NBEAL2: variants seen among roughly 807,000 people sequenced by gnomAD.
NBEAL2 encodes the protein neurobeachin-like protein 2.
In NBEAL2, 160 loss-of-function variants were observed where a neutral mutation model predicts 299.8. That is an observed-to-expected ratio of 0.53 (90% confidence interval 0.47 to 0.61). The LOEUF (loss-of-function observed/expected upper bound fraction) is 0.61. Among genes scored for constraint, NBEAL2 ranks in the 20% least tolerant of loss-of-function variants. The pLI, the probability that NBEAL2 is intolerant of heterozygous loss-of-function variation, is 0.00. For missense variants in NBEAL2, 3,112 were observed against 3,649.0 expected, an observed-to-expected ratio of 0.85 and a Z score of 3.79; for synonymous variants, 1,493 against 1,542.3, an observed-to-expected ratio of 0.97 and a Z score of 0.75.
In NBEAL2 at chr3:46,995,646, CA is replaced by C; in HGVS notation, c.1898+14del. On this transcript the variant is annotated intron_variant, in intron 13 of 53. Transcript: ENST00000450053. ...AGCAGCTGTACAGGTGGGTGACTGCCAGGGGCCAGGGACCTCCTGCCAGGGT... is the reference window on the plus strand; with the variant it reads ...AGCAGCTGTACAGGTGGGTGACTGCCGGGGCCAGGGACCTCCTGCCAGGGT... The C allele has an allele frequency of 1.2e-6, 2 of 1,609,106 alleles. No individual in the cohort carries two copies. Among genetic ancestry groups the C allele is most frequent in the Non-Finnish European group, 1.7e-6 (2 of 1,176,726 alleles).
chr3:47,004,197 A>G lies in NBEAL2; in HGVS notation c.6002A>G (p.Asn2001Ser), dbSNP rs958305876. 8 of 1,613,482 alleles carry G rather than the reference A, an allele frequency of 5.0e-6. 1 individual carries two copies. The highest frequency in any genetic ancestry group is 3.3e-5 in the Admixed American group (2 of 59,978). The change falls in exon 37 of 54, where the codon AAC becomes AGC. Residue 2001 changes from asparagine to serine, a missense_variant. Transcript: ENST00000450053. This position sits in a 1 kb window ranked among gnomAD's most constrained non-coding sequence, Gnocchi z 5.0. ...FFIDQANYFL[N>S]FPCKVGTTPV... ...ATCGATCAGGCCAACTACTTCCTCA[A>G]CTTCCCATGCAAGGTGGGCACGACC...
chr3:47,002,309 A>C (rs1408268179), intron 31 of NBEAL2, 21 bp downstream of exon 31: 5 of 1,589,874 alleles, frequency 3.1e-6, no homozygotes, highest in Non-Finnish European at 4.3e-6. Context: ...GTTGGGGCCC[A>C]GGAAGAGGAG....
Position 47,007,329 on chromosome 3 carries a change from A to G in NBEAL2, c.7313A>G (p.Asp2438Gly). ...AGCAACTACTTCAGCTTCAGCAAAG[A>G]CCCCACCATGGGCAGCCACAAGTAG... is the stretch of plus-strand genomic sequence containing the variant. Reference protein sequence around the residue: ...NISNYFSFSKDPTMGSHKTQR... With the variant: ...NISNYFSFSKGPTMGSHKTQR... The change falls in exon 47 of 54, where the codon GAC (aspartate) becomes GGC (glycine). Residue 2438 changes from aspartate to glycine, a missense_variant. This residue lies in a region of NBEAL2 where 521 missense variants were observed against 729.6 expected (regional missense o/e 0.71). Coordinates refer to ENST00000450053, the MANE Select transcript of NBEAL2 (RefSeq NM_015175.3). 6.2e-7 allele frequency: 1 copy of G among 1,608,280 alleles called. No homozygotes were observed. The highest frequency in any genetic ancestry group is 8.5e-7 in the Non-Finnish European group (1 of 1,177,698).
In NBEAL2 at chr3:47,009,474, C is replaced by G. The variant is rs561982419; in HGVS notation, c.*154C>G. On this transcript the variant is annotated 3_prime_UTR_variant, in exon 54 of 54. Transcript: ENST00000450053. Reference sequence around the variant, plus strand: ...TCAGGGATTGGCGGGCGATGTTACCCCCTCAGGGATTGGCGGGCGGAAGTC... The same window carrying G: ...TCAGGGATTGGCGGGCGATGTTACCGCCTCAGGGATTGGCGGGCGGAAGTC... The G allele has an allele frequency of 3.6e-5, 27 of 749,434 alleles. No homozygotes were observed. The highest frequency in any genetic ancestry group is 5.4e-5 in the African/African-American group (3 of 55,214). 46.4% of individuals were successfully genotyped at this position (749,434 alleles called of 1,614,324 possible).
At chr3:46,998,260 T>C (rs750604671) in intron 21 of NBEAL2, 34 bp downstream of exon 21, 6 of 1,597,292 alleles carry the variant, frequency 3.8e-6, no homozygotes, top group Non-Finnish European at 5.1e-6. Flanking sequence ...GGGCCGGCCA[T>C]AGGGCAGCTG....
At chr3:46,998,279 G>C in intron 21 of NBEAL2, 53 bp downstream of exon 21, 3 of 1,579,818 alleles carry the variant, frequency 1.9e-6, no homozygotes, top group Non-Finnish European at 2.6e-6. Context: ...TGAGCACTGA[G>C]AAGTTAGAAC....
chr3:46,998,540 T>C lies in NBEAL2; in HGVS notation c.3196T>C (p.Leu1066=), dbSNP rs1325146891. 4 of 1,612,206 alleles carry C rather than the reference T, an allele frequency of 2.5e-6. No individual in the cohort carries two copies. The highest frequency in any genetic ancestry group is 3.4e-6 in the Non-Finnish European group (4 of 1,179,250). The change falls in exon 22 of 54, where the codon TTG becomes CTG. Residue 1066 remains leucine, a synonymous_variant. Transcript: ENST00000450053. ...GAAGAAGTACGGCGTCCAGTTTATC[T>C]TGGATGCTCTGCGCACCCACTACAG... ...LRKKYGVQFI[L]DALRTHYSPQ...
chr3:46,997,255 C>T lies in NBEAL2; in HGVS notation c.2650-4C>T. 1 of 1,612,350 alleles carries T rather than the reference C, an allele frequency of 6.2e-7. No individual in the cohort carries two copies. Among genetic ancestry groups the T allele is most frequent in the South Asian group, 1.1e-5 (1 of 91,016 alleles). ...CCCCCTCACTGCCATCCTCCTTCCC[C>T]CAGGATGTGGTGAACTGCGTTGGGG... On this transcript the variant is annotated splice_polypyrimidine_tract_variant and splice_region_variant and intron_variant, in intron 18 of 53. Coordinates refer to ENST00000450053, the MANE Select transcript of NBEAL2 (RefSeq NM_015175.3).
In NBEAL2 at chr3:47,007,509, C is replaced by T; in HGVS notation, c.7335-16C>T. On this transcript the variant is annotated splice_polypyrimidine_tract_variant and intron_variant, in intron 47 of 53. Coordinates refer to ENST00000450053, the MANE Select transcript of NBEAL2 (RefSeq NM_015175.3). ...ATGTGGCCTGGCCTCACTTGCTATCCCCCTCACTGGGTCAGGACGCAGCGA... is the reference window on the plus strand; with the variant it reads ...ATGTGGCCTGGCCTCACTTGCTATCTCCCTCACTGGGTCAGGACGCAGCGA... 1.2e-6 allele frequency: 2 copies of T among 1,603,786 alleles called. No individual in the cohort carries two copies. The highest frequency in any genetic ancestry group is 1.1e-5 in the South Asian group (1 of 89,648).
Position 46,995,858 on chromosome 3 carries a change from T to C in NBEAL2, c.2031+12T>C. 4 of 1,613,794 alleles carry C rather than the reference T, an allele frequency of 2.5e-6. No individual in the cohort carries two copies. The highest frequency in any genetic ancestry group is 3.4e-6 in the Non-Finnish European group (4 of 1,179,848). ...CCGACTCTGCCTGGGTGAGACCCCATCCTTCTCATGTGGCCCAGTAGAGAG... is the reference window on the plus strand; with the variant it reads ...CCGACTCTGCCTGGGTGAGACCCCACCCTTCTCATGTGGCCCAGTAGAGAG... On this transcript the variant is annotated intron_variant, in intron 14 of 53. Coordinates refer to ENST00000450053, the MANE Select transcript of NBEAL2 (RefSeq NM_015175.3).
chr3:46,983,481 T>C (rs867352227), intron 1 of NBEAL2, among the ~76,000 whole-genome samples: 1 of 152,038 alleles, frequency 6.6e-6, no homozygotes, highest in African/African-American at 2.4e-5. Context: ...GGCTAATTTT[T>C]GTATTTTTAG....
At chr3:46,992,601 T>G (rs1453013178) in intron 10 of NBEAL2, 46 bp downstream of exon 10, 1 of 1,509,520 alleles carries the variant, frequency 6.6e-7, no homozygotes, top group East Asian at 2.4e-5. Flanking sequence ...TGGGACTCCC[T>G]CTTTGAGCTT....
intron 11 of NBEAL2, 35 bp downstream of exon 11, chr3:46,994,055 C>T (rs1448221414): frequency 5.1e-6 from 8 of 1,570,452 alleles, no homozygotes; most frequent in African/African-American, 1.4e-5. Flanking sequence ...AGTAGGGGTG[C>T]GGGGTGGAGT....
chr3:47,008,198 C>T lies in NBEAL2; in HGVS notation c.7719+12C>T, dbSNP rs1426089039. 1 of 1,613,846 alleles carries T rather than the reference C, an allele frequency of 6.2e-7. No homozygotes were observed. ...TGTCTGGATCTGAGGTGTGTGTATG[C>T]ATGTGCCCTGGGGAGGGTGAGTTTC... On this transcript the variant is annotated intron_variant, in intron 50 of 53. Coordinates refer to ENST00000450053, the MANE Select transcript of NBEAL2 (RefSeq NM_015175.3).
chr3:46,988,024 G>T lies in NBEAL2; in HGVS notation c.52-645G>T, dbSNP rs1447536911. The T allele has an allele frequency of 7.8e-6, 10 of 1,279,922 alleles. No homozygotes were observed. The Admixed American group carries it at 1.9e-4, about 24-fold the overall frequency. 79.3% of individuals were successfully genotyped at this position (1,279,922 alleles called of 1,614,324 possible). On this transcript the variant is annotated intron_variant, in intron 1 of 53. Transcript: ENST00000450053. The surrounding 1 kb of genome is among the most constrained non-coding windows in gnomAD (Gnocchi z 4.4). ...TTTTCCTGGCAGCGCCTAGACCTGG[G>T]CTTAGCCACTGCCCCTCTTGCCCAT... is the stretch of plus-strand genomic sequence containing the variant.
In NBEAL2 at chr3:46,989,626, ACCCC is replaced by A; in HGVS notation, c.556+35_556+38del. ...CCCGCCCCTGCCCCCACTTGGCTCC[ACCCC>A]CAAACCTAGGCCCCTTCCTGTCGTT... On this transcript the variant is annotated intron_variant, in intron 6 of 53. Coordinates refer to ENST00000450053, the MANE Select transcript of NBEAL2 (RefSeq NM_015175.3). The surrounding 1 kb of genome is among the most constrained non-coding windows in gnomAD (Gnocchi z 5.5). The A allele has an allele frequency of 6.6e-7, 1 of 1,525,780 alleles. No individual in the cohort carries two copies. Among genetic ancestry groups the A allele is most frequent in the Non-Finnish European group, 8.9e-7 (1 of 1,129,134 alleles). 94.5% of individuals were successfully genotyped at this position (1,525,780 alleles called of 1,614,324 possible).
rs1402530851 is a variant in NBEAL2 at position 47,008,341 on chromosome 3, C to CTCT, written c.7779_7781dup (p.Leu2594dup). ...GGACAGTTTGTAGCGGCACTACGGCCTCTGGGTGCCACATTCCCTGGACCT... is the reference window on the plus strand; with the variant it reads ...GGACAGTTTGTAGCGGCACTACGGCCTCTTCTGGGTGCCACATTCCCTGGACCT... On this transcript the variant is annotated inframe_insertion, in exon 51 of 54. Coordinates refer to ENST00000450053, the MANE Select transcript of NBEAL2 (RefSeq NM_015175.3). 9.9e-6 allele frequency: 16 copies of CTCT among 1,613,434 alleles called. No individual in the cohort carries two copies. Among genetic ancestry groups the CTCT allele is most frequent in the Non-Finnish European group, 1.4e-5 (16 of 1,179,674 alleles).
At position 46,995,405 on chromosome 3, in the gene NBEAL2, A is replaced by G; in HGVS notation, c.1670A>G (p.His557Arg). The G allele has an allele frequency of 6.2e-7, 1 of 1,612,794 alleles. No homozygotes were observed. The highest frequency in any genetic ancestry group is 8.5e-7 in the Non-Finnish European group (1 of 1,179,872). Residue 557 changes from histidine to arginine, a missense_variant, in exon 13 of 54, where the codon CAC (histidine) becomes CGC (arginine). His to Arg is a conservative substitution (Grantham distance 29, BLOSUM62 0). Coordinates refer to ENST00000450053, the MANE Select transcript of NBEAL2 (RefSeq NM_015175.3). ...GGAGCTGAGGCTGGAAAGGCCCGAC[A>G]CGCAGGTGCTGTCATCCGCACATTA... ...PGGAEAGKAR[H>R]AGAVIRTLSG...
chr3:47,004,836 CT>C lies in NBEAL2; in HGVS notation c.6295-135del. 2 of 1,328,226 alleles carry C rather than the reference CT, an allele frequency of 1.5e-6. No individual in the cohort carries two copies. The highest frequency in any genetic ancestry group is 2.1e-6 in the Non-Finnish European group (2 of 969,154). The allele number at this position is 1,328,226 out of a possible 1,614,324, so 82.3% of individuals were successfully genotyped here. A position where few individuals can be genotyped will look rare whatever the true frequency, so the allele number is the denominator to read the frequency against. ...TTCCAGGACACTCTGTCCTTCTCCC[CT>C]GTGACCCCTCTAAGTGGTGCTCCCC... On this transcript the variant is annotated intron_variant, in intron 38 of 53. Transcript: ENST00000450053. The surrounding 1 kb of genome is among the most constrained non-coding windows in gnomAD (Gnocchi z 5.0).
Sources: allele counts gnomAD v4.1 joint callset (sites outside exome capture counted in the v4.1 genomes callset), GRCh38; gene constraint gnomAD v4.1.1; regional missense constraint gnomAD v4.1.1; non-coding constraint Gnocchi (gnomAD v3.1); transcripts MANE v1.5; gene names NCBI Gene and HGNC (gene_info 2026-07-23, HGNC 2026-07-21).